The following UGT1A10 variants were observed in gnomAD, a reference collection of about 807,000 sequenced individuals.
The protein encoded by UGT1A10 is UDP glucuronosyltransferase family 1 member A10.
Under a neutral mutation model 45.8 loss-of-function variants are expected in UGT1A10, and 49 were observed. That is an observed-to-expected ratio of 1.07 (90% confidence interval 0.85 to 1.36). UGT1A10 has a LOEUF of 1.36. Among genes scored for constraint, UGT1A10 ranks in the 40% most tolerant of loss-of-function variants. The probability of loss-of-function intolerance (pLI) is 0.00; values close to 1 mark genes in which losing one functional copy is unlikely to be tolerated. For missense variants in UGT1A10, 745 were observed against 668.6 expected, an observed-to-expected ratio of 1.11 and a Z score of -1.26; for synonymous variants, 284 against 249.7, an observed-to-expected ratio of 1.14 and a Z score of -1.29.
At chr2:233,666,525 A>C (rs991297049) in intron 1 of UGT1A10, among the ~76,000 whole-genome samples, 1 of 152,164 alleles carries the variant, frequency 6.6e-6, no homozygotes, top group Non-Finnish European at 1.5e-5. Flanking sequence ...TTTGCTCATT[A>C]AAAAACATTT....
Position 233,768,399 on chromosome 2 carries a change from G to T in UGT1A10, c.1255G>T (p.Asp419Tyr). ...TLNVLEMTSE[D>Y]LENALKAVIN... ...GAATGTTCTGGAAATGACTTCTGAA[G>T]ATTTAGAAAATGCTCTAAAAGCAGT... The change falls in exon 4 of 5, where the codon GAT becomes TAT. Residue 419 changes from aspartate (D) to tyrosine (Y), a missense_variant. Physicochemically the swap from Asp to Tyr is radical, Grantham distance 160 (BLOSUM62 -3). Transcript: ENST00000344644. The T allele has an allele frequency of 6.2e-7, 1 of 1,614,194 alleles. No individual in the cohort carries two copies. The highest frequency in any genetic ancestry group is 8.5e-7 in the Non-Finnish European group (1 of 1,180,044).
At chr2:233,641,607 G>A (rs2073454978) in intron 1 of UGT1A10, among the ~76,000 whole-genome samples, 2 of 152,104 alleles carry the variant, frequency 1.3e-5, no homozygotes, top group Admixed American at 6.5e-5. Flanking sequence ...AGTGAGTTTT[G>A]TACCTTCAGA....
At chr2:233,711,197 T>A (rs2076167789) in intron 1 of UGT1A10, among the ~76,000 whole-genome samples, 1 of 152,222 alleles carries the variant, frequency 6.6e-6, no homozygotes, top group African/African-American at 2.4e-5. Flanking sequence ...CTCCCCACAG[T>A]CCTGCTCTCC....
At chr2:233,665,866 A>T (rs1415820386) in intron 1 of UGT1A10, among the ~76,000 whole-genome samples, 1 of 152,176 alleles carries the variant, frequency 6.6e-6, no homozygotes, top group African/African-American at 2.4e-5. Context: ...GCCAGACAAT[A>T]TTTACAAGCG....
At chr2:233,659,270 G>T (rs1112310) in intron 1 of UGT1A10, among the ~76,000 whole-genome samples, 37,869 of 152,044 alleles carry the variant, frequency 0.25, 5,180 homozygotes, top group East Asian at 0.52. Context: ...CTCGCAGGTA[G>T]TCTAAAATCC....
At chr2:233,726,191 A>G (rs942571652) in intron 1 of UGT1A10, among the ~76,000 whole-genome samples, 1 of 152,194 alleles carries the variant, frequency 6.6e-6, no homozygotes, top group Non-Finnish European at 1.5e-5. Context: ...TCTTTGGCAT[A>G]TGGAAATCTT....
At chr2:233,699,919 G>A (rs2075532229) in intron 1 of UGT1A10, among the ~76,000 whole-genome samples, 2 of 152,196 alleles carry the variant, frequency 1.3e-5, no homozygotes, top group Non-Finnish European at 2.9e-5. Context: ...TATACGTAGA[G>A]GCCAAGGATG....
At position 233,768,425 on chromosome 2, in the gene UGT1A10, C is replaced by A. The variant is rs1021872145; in HGVS notation, c.1281C>A (p.Val427=). 5.0e-6 allele frequency: 8 copies of A among 1,613,756 alleles called. No individual in the cohort carries two copies. Among genetic ancestry groups the A allele is most frequent in the Non-Finnish European group, 5.9e-6 (7 of 1,179,962 alleles). Residue 427 remains valine, a synonymous_variant, in exon 4 of 5, where the codon GTC becomes GTA. Transcript: ENST00000344644. ...ATTTAGAAAATGCTCTAAAAGCAGTCATCAATGACAAAAGGTAAGAAAGAA... is the reference window on the plus strand; with the variant it reads ...ATTTAGAAAATGCTCTAAAAGCAGTAATCAATGACAAAAGGTAAGAAAGAA... The part of the protein sequence containing the change: ...SEDLENALKA[V]INDKSYKENI...
At chr2:233,645,732 C>T (rs541741135) in intron 1 of UGT1A10, among the ~76,000 whole-genome samples, 53 of 152,332 alleles carry the variant, frequency 3.5e-4, no homozygotes, top group Non-Finnish European at 6.6e-4. Context: ...CAGCTCCACC[C>T]CTGTGGCTTT....
intron 1 of UGT1A10, among the ~76,000 whole-genome samples, chr2:233,763,690 T>C (rs1698373555): frequency 6.6e-6 from 1 of 152,190 alleles, no homozygotes; most frequent in African/African-American, 2.4e-5. Context: ...AAGATAAAAC[T>C]TTTATTGCAC....
At chr2:233,724,302 T>A (rs1575551867) in intron 1 of UGT1A10, among the ~76,000 whole-genome samples, 11 of 123,398 alleles carry the variant, frequency 8.9e-5, no homozygotes, top group South Asian at 6.0e-4. Context: ...CCCCCCCACC[T>A]CCCTCCCGGA....
chr2:233,724,170 C>A (rs1159618034), intron 1 of UGT1A10, among the ~76,000 whole-genome samples: 1 of 122,814 alleles, frequency 8.1e-6, no homozygotes, highest in African/African-American at 3.5e-5. Context: ...GCTGACCCCC[C>A]CATCTCCCTC....
intron 1 of UGT1A10, among the ~76,000 whole-genome samples, chr2:233,666,269 C>G (rs1163146644): frequency 6.6e-6 from 1 of 152,216 alleles, no homozygotes; most frequent in African/African-American, 2.4e-5. Context: ...GGGATCCACT[C>G]AAACACCTCC....
chr2:233,647,060 T>A (rs1008115637), intron 1 of UGT1A10, among the ~76,000 whole-genome samples: 9 of 152,216 alleles, frequency 5.9e-5, no homozygotes, highest in Non-Finnish European at 8.8e-5. Context: ...CCTCCATGGA[T>A]GGCAGCAGGC....
chr2:233,702,373 G>A (rs905615069), intron 1 of UGT1A10, among the ~76,000 whole-genome samples: 3 of 151,954 alleles, frequency 2.0e-5, no homozygotes, highest in African/African-American at 7.3e-5. Context: ...GATTTCGTAG[G>A]ATTTTCTACA....
intron 1 of UGT1A10, chr2:233,713,305 A>T: frequency 3.1e-6 from 5 of 1,614,274 alleles, no homozygotes; most frequent in Non-Finnish European, 4.2e-6. Flanking sequence ...GAAACAGAAC[A>T]TCTTCTGATG....
chr2:233,767,728 C>A, intron 2 of UGT1A10, 121 bp from the exon 3 acceptor site: 1 of 1,556,454 alleles, frequency 6.4e-7, no homozygotes, highest in Non-Finnish European at 8.7e-7. Context: ...AGTTACTGAT[C>A]CTCCCACTCT....
At chr2:233,771,789 T>TCCCA (rs1282834982) in intron 4 of UGT1A10, among the ~76,000 whole-genome samples, 7 of 144,234 alleles carry the variant, frequency 4.9e-5, no homozygotes, top group East Asian at 4.5e-4. Flanking sequence ...CCTCTCTCCC[T>TCCCA]CCCTCCCTCC....
At chr2:233,703,771 TA>T (rs1575476815) in intron 1 of UGT1A10, among the ~76,000 whole-genome samples, 2 of 151,768 alleles carry the variant, frequency 1.3e-5, no homozygotes, top group African/African-American at 2.4e-5. Context: ...GCAGACAAGA[TA>T]TTATTAGTCC....
Sources: allele counts gnomAD v4.1 joint callset (sites outside exome capture counted in the v4.1 genomes callset), GRCh38; gene constraint gnomAD v4.1.1; transcripts MANE v1.5; gene names NCBI Gene and HGNC (gene_info 2026-07-23, HGNC 2026-07-21).